FBLN7: variants seen among roughly 807,000 people sequenced by gnomAD.
FBLN7 encodes fibulin-7.
In FBLN7, 31 loss-of-function variants were observed where a neutral mutation model predicts 44.0. The observed-to-expected ratio is 0.70, with a 90% confidence interval of 0.53 to 0.95. The LOEUF (loss-of-function observed/expected upper bound fraction) is 0.95. Among genes scored for constraint, FBLN7 ranks in the 40% least tolerant of loss-of-function variants. The pLI is 0.00. For missense variants in FBLN7, 573 were observed against 618.5 expected (o/e 0.93, Z 0.78); for synonymous variants, 262 against 253.4 (o/e 1.03, Z -0.32).
At chr2:112,161,299 A>G (rs1681856172) in intron 2 of FBLN7, among the ~76,000 whole-genome samples, 1 of 152,166 alleles carries the variant, frequency 6.6e-6, no homozygotes, top group East Asian at 1.9e-4. Context: ...TTCCTGGGGA[A>G]GGCGTTGGAT....
the FBLN7 span, among the ~76,000 whole-genome samples, chr2:112,220,664 A>G: frequency 1.3e-4 from 20 of 152,198 alleles, no homozygotes; most frequent in South Asian, 4.1e-3. Flanking sequence ...TTCATTAAAA[A>G]TACAAAATTA....
chr2:112,160,752 GCACACACGCACGCACACGCAGA>G (rs1303348496), intron 2 of FBLN7, among the ~76,000 whole-genome samples: 1 of 32,432 alleles, frequency 3.1e-5, no homozygotes, highest in Admixed American at 1.9e-4. Context: ...ACACGCGCAC[GCACACACGCACGCACACGCAGA>G]CGCACACGCA....
chr2:112,151,650 C>G (rs1370098237), intron 1 of FBLN7: 3 of 152,202 alleles, frequency 2.0e-5, no homozygotes, highest in Non-Finnish European at 4.4e-5. Context: ...CTTCTATATT[C>G]ATATTGTGTT....
chr2:112,225,919 T>TA, the FBLN7 span, among the ~76,000 whole-genome samples: 1 of 151,760 alleles, frequency 6.6e-6, no homozygotes, highest in African/African-American at 2.4e-5. Flanking sequence ...CCATCTCTAC[T>TA]AAAAATACAA....
chr2:112,216,683 C>CAAAAAAAAAAAAAAAAAAAAAAAAGA, the FBLN7 span, among the ~76,000 whole-genome samples: 1 of 121,032 alleles, frequency 8.3e-6, no homozygotes, highest in Non-Finnish European at 1.8e-5. Flanking sequence ...AGAACTGAAG[C>CAAAAAAAAAAAAAAAAAAAAAAAAGA]AAAAAAAAAA....
chr2:112,237,051 A>C, the FBLN7 span, among the ~76,000 whole-genome samples: 1 of 152,218 alleles, frequency 6.6e-6, no homozygotes, highest in Non-Finnish European at 1.5e-5. Context: ...ACAGAGTGAG[A>C]ACCTGTCGCA....
the FBLN7 span, chr2:112,238,655 C>T: frequency 1.5e-6 from 1 of 658,052 alleles, no homozygotes; most frequent in South Asian, 2.3e-5. Context: ...ACATGGGATT[C>T]ATATACTATT....
chr2:112,172,544 A>G (rs1682515629), intron 3 of FBLN7, among the ~76,000 whole-genome samples: 1 of 151,026 alleles, frequency 6.6e-6, no homozygotes, highest in Non-Finnish European at 1.5e-5. Flanking sequence ...TTTAAAATTC[A>G]GTCATTTGAT....
chr2:112,157,796 C>T (rs934102189), intron 1 of FBLN7, among the ~76,000 whole-genome samples: 1 of 152,084 alleles, frequency 6.6e-6, no homozygotes, highest in Non-Finnish European at 1.5e-5. Context: ...GACAGGGTCT[C>T]AGTCTGTTGC....
chr2:112,188,807 A>G (rs1302328495), downstream of FBLN7: 1 of 152,226 alleles, frequency 6.6e-6, no homozygotes, highest in Admixed American at 6.5e-5. Context: ...GACACAGTCA[A>G]GAGTTGCTTT....
Position 112,138,534 on chromosome 2 carries a change from G to A in FBLN7, c.-122G>A. 7.2e-7 allele frequency: 1 copy of A among 1,386,588 alleles called. No individual in the cohort carries two copies. Among genetic ancestry groups the A allele is most frequent in the Non-Finnish European group, 9.7e-7 (1 of 1,030,068 alleles). The allele number at this position is 1,386,588 out of a possible 1,614,324, so 85.9% of individuals were successfully genotyped here. On this transcript the variant is annotated 5_prime_UTR_variant, in exon 1 of 8. Coordinates refer to ENST00000331203, the MANE Select transcript of FBLN7 (RefSeq NM_153214.3). ...GCCTCCCGCCTCCCCCCCTGCCCCA[G>A]CCGCCCCCCGGCCGCGCGGCGCCCC...
the FBLN7 span, among the ~76,000 whole-genome samples, chr2:112,228,863 A>C: frequency 6.6e-6 from 1 of 152,230 alleles, no homozygotes; most frequent in Non-Finnish European, 1.5e-5. Context: ...AACATACGTA[A>C]AGAACTCCTA....
At chr2:112,234,176 C>G in the FBLN7 span, 3 of 1,610,194 alleles carry the variant, frequency 1.9e-6, no homozygotes, top group African/African-American at 4.0e-5. Context: ...TTGCGTTCCA[C>G]TGTATGTTGG....
chr2:112,182,901 A>G lies in FBLN7; in HGVS notation c.781A>G (p.Thr261Ala). ...YRCTCPGGYR[T>A]LADGKSCEDV... ...TTGCACCTGCCCCGGTGGATACCGA[A>G]CTCTGGCTGACGGGAAGAGCTGTGA... is the stretch of plus-strand genomic sequence containing the variant. Residue 261 changes from threonine to alanine, a missense_variant, in exon 6 of 8, where the codon ACT (threonine) becomes GCT (alanine). Transcript: ENST00000331203. 6.2e-7 allele frequency: 1 copy of G among 1,612,774 alleles called. No individual in the cohort carries two copies.
At chr2:112,186,841 T>C (rs769368825) in intron 7 of FBLN7, among the ~76,000 whole-genome samples, 1 of 152,178 alleles carries the variant, frequency 6.6e-6, no homozygotes, top group Non-Finnish European at 1.5e-5. Context: ...TATATTTTTC[T>C]GTAAAAATGA....
intron 1 of FBLN7, chr2:112,152,357 T>A (rs1047790283): frequency 6.6e-6 from 1 of 152,322 alleles, no homozygotes; most frequent in African/African-American, 2.4e-5. Context: ...ATCGCTCCTG[T>A]GGCTGTTTTA....
At chr2:112,229,955 CAAAA>C in the FBLN7 span, among the ~76,000 whole-genome samples, 1 of 134,252 alleles carries the variant, frequency 7.4e-6, no homozygotes, top group East Asian at 2.2e-4. Context: ...AAAAAAAAAA[CAAAA>C]AACGAAAAGA....
chr2:112,161,812 A>T (rs919218064), intron 2 of FBLN7, among the ~76,000 whole-genome samples: 1 of 152,216 alleles, frequency 6.6e-6, no homozygotes, highest in Admixed American at 6.5e-5. Flanking sequence ...TTCTCTTTTT[A>T]AAAAATCGCC....
At chr2:112,195,191 T>C in the FBLN7 span, among the ~76,000 whole-genome samples, 1 of 152,270 alleles carries the variant, frequency 6.6e-6, no homozygotes, top group Non-Finnish European at 1.5e-5. Flanking sequence ...AAAATTAGAT[T>C]TGGGCTGATG....
Sources: gnomAD v4.1 joint callset for allele counts (sites outside exome capture counted in the v4.1 genomes callset) on GRCh38, gnomAD v4.1.1 for gene constraint, MANE v1.5 for transcripts, NCBI Gene and HGNC (gene_info 2026-07-23, HGNC 2026-07-21) for gene names.